PDGFC: variants seen among roughly 807,000 people sequenced by gnomAD.
PDGFC encodes the protein platelet derived growth factor C.
In PDGFC, 12 loss-of-function variants were observed where a neutral mutation model predicts 35.5. That is an observed-to-expected ratio of 0.34 (90% CI 0.22 to 0.55). The LOEUF is 0.55. Ranked by LOEUF, PDGFC falls within the 20% of genes least tolerant of loss-of-function variation. The pLI is 0.91. For synonymous variants in PDGFC, 159 were observed against 148.8 expected (o/e 1.07, Z -0.50); for missense variants, 322 against 412.4 (o/e 0.78, Z 1.90).
intron 1 of PDGFC, among the ~76,000 whole-genome samples, chr4:156,899,863 C>T (rs893809593): frequency 1.3e-5 from 2 of 152,130 alleles, no homozygotes; most frequent in African/African-American, 4.8e-5. Context: ...CTACTGACAT[C>T]CTAATTGCAA....
At chr4:156,899,369 C>G (rs2110756307) in intron 1 of PDGFC, among the ~76,000 whole-genome samples, 1 of 152,300 alleles carries the variant, frequency 6.6e-6, no homozygotes, top group East Asian at 1.9e-4. Context: ...CCATGGGAGT[C>G]ACAGATCCTA....
At chr4:156,767,562 C>T (rs1358180868) in intron 5 of PDGFC, among the ~76,000 whole-genome samples, 1 of 151,850 alleles carries the variant, frequency 6.6e-6, no homozygotes, top group Non-Finnish European at 1.5e-5. Flanking sequence ...TGTTATACTA[C>T]CAGAGAATAT....
intron 1 of PDGFC, among the ~76,000 whole-genome samples, chr4:156,958,145 T>C (rs1732254376): frequency 6.6e-6 from 1 of 152,004 alleles, no homozygotes. Context: ...CCTTTGGCTA[T>C]AAACTACTTG....
chr4:156,966,720 G>A (rs1732475201), intron 1 of PDGFC, among the ~76,000 whole-genome samples: 2 of 152,154 alleles, frequency 1.3e-5, no homozygotes, highest in African/African-American at 4.8e-5. Context: ...AGAAGAGATG[G>A]CAGCACTGAG....
chr4:156,830,023 T>C (rs530873961), intron 2 of PDGFC, among the ~76,000 whole-genome samples: 5 of 152,248 alleles, frequency 3.3e-5, no homozygotes, highest in East Asian at 1.9e-4. Context: ...ACTTCAAAAA[T>C]GTATCTGAAA....
At chr4:156,943,640 A>G (rs539287845) in intron 1 of PDGFC, among the ~76,000 whole-genome samples, 21 of 152,140 alleles carry the variant, frequency 1.4e-4, no homozygotes, top group African/African-American at 5.1e-4. Context: ...TTGTTTTCAG[A>G]AACCCCTACA....
At chr4:156,911,907 G>GT (rs1731048843) in intron 1 of PDGFC, among the ~76,000 whole-genome samples, 1 of 152,142 alleles carries the variant, frequency 6.6e-6, no homozygotes, top group African/African-American at 2.4e-5. Context: ...ATGATAGTAT[G>GT]ATGACTGGAG....
At chr4:156,948,704 A>G (rs891580507) in intron 1 of PDGFC, among the ~76,000 whole-genome samples, 1 of 151,978 alleles carries the variant, frequency 6.6e-6, no homozygotes, top group Non-Finnish European at 1.5e-5. Flanking sequence ...CCGCTGCCCT[A>G]CAGCCTTTAT....
At chr4:156,854,087 C>A (rs1276794026) in intron 1 of PDGFC, among the ~76,000 whole-genome samples, 2 of 152,164 alleles carry the variant, frequency 1.3e-5, no homozygotes, top group African/African-American at 4.8e-5. Flanking sequence ...AAAGTTTCTT[C>A]CGATAATCTA....
At chr4:156,772,642 G>T in intron 4 of PDGFC, 44 bp downstream of exon 4, 1 of 1,277,152 alleles carries the variant, frequency 7.8e-7, no homozygotes, top group Non-Finnish European at 1.1e-6. Context: ...AACATTAGCT[G>T]TTAAGAAAAT....
chr4:156,970,930 C>T lies in PDGFC; in HGVS notation c.-27G>A, dbSNP rs1732578457. The stretch of plus-strand genomic sequence containing the variant: ...TGGCTGACTGGGGTGAGAGCTCACT[C>T]ACGGCGGGCACTTTGGAAGCAGCGA... On this transcript the variant is annotated 5_prime_UTR_variant, in exon 1 of 6. Transcript: ENST00000502773. 1 of 1,465,676 alleles carries T rather than the reference C, an allele frequency of 6.8e-7. No individual in the cohort carries two copies. The highest frequency in any genetic ancestry group is 2.3e-5 in the East Asian group (1 of 43,864). 90.8% of individuals were successfully genotyped at this position (1,465,676 alleles called of 1,614,324 possible). A position where few individuals can be genotyped will look rare whatever the true frequency, so the allele number is the denominator to read the frequency against.
intron 1 of PDGFC, among the ~76,000 whole-genome samples, chr4:156,895,906 C>T (rs542504493): frequency 3.3e-5 from 5 of 152,156 alleles, no homozygotes; most frequent in Middle Eastern, 3.4e-3. Context: ...ACATGATTAA[C>T]ATATTTAACA....
chr4:156,900,240 G>T (rs184049740), intron 1 of PDGFC, among the ~76,000 whole-genome samples: 53 of 152,176 alleles, frequency 3.5e-4, no homozygotes, highest in African/African-American at 1.3e-3. Context: ...CGAAATTCCT[G>T]AATGTCACAC....
intron 1 of PDGFC, among the ~76,000 whole-genome samples, chr4:156,910,435 A>G (rs967537799): frequency 6.6e-6 from 1 of 152,130 alleles, no homozygotes; most frequent in African/African-American, 2.4e-5. Context: ...TTAACAGTCC[A>G]CTTCTTGAAA....
Position 156,763,079 on chromosome 4 carries a change from T to A in PDGFC, c.*11A>T. 1.4e-6 allele frequency: 2 copies of A among 1,384,352 alleles called. No homozygotes were observed. The highest frequency in any genetic ancestry group is 2.1e-6 in the Non-Finnish European group (2 of 970,652). 85.8% of individuals were successfully genotyped at this position (1,384,352 alleles called of 1,614,324 possible). A position where few individuals can be genotyped will look rare whatever the true frequency, so the allele number is the denominator to read the frequency against. On this transcript the variant is annotated 3_prime_UTR_variant, in exon 6 of 6. Coordinates refer to ENST00000502773, the MANE Select transcript of PDGFC (RefSeq NM_016205.3). ...CACAGCTCTGGGCAAGAGCTGCTGG[T>A]GGTGATGCGGCTATCCTCCTGTGCT...
chr4:156,792,436 A>T (rs1731323106), intron 3 of PDGFC, among the ~76,000 whole-genome samples: 1 of 152,200 alleles, frequency 6.6e-6, no homozygotes, highest in African/African-American at 2.4e-5. Flanking sequence ...GCACATTTTT[A>T]AAAACAAAAA....
intron 4 of PDGFC, among the ~76,000 whole-genome samples, chr4:156,768,615 A>C (rs1034893902): frequency 1.3e-5 from 2 of 152,048 alleles, no homozygotes; most frequent in Non-Finnish European, 2.9e-5. Context: ...AATGCTTCAA[A>C]TGCATTGAAT....
chr4:156,810,246 G>A (rs1731895449), intron 3 of PDGFC, among the ~76,000 whole-genome samples: 1 of 151,514 alleles, frequency 6.6e-6, no homozygotes, highest in African/African-American at 2.4e-5. Context: ...AAAAAGTTTT[G>A]GAAAGGAACA....
intron 1 of PDGFC, among the ~76,000 whole-genome samples, chr4:156,903,309 A>G (rs1187068106): frequency 6.6e-6 from 1 of 152,082 alleles, no homozygotes; most frequent in Non-Finnish European, 1.5e-5. Context: ...AAATTAATAA[A>G]ATATACATGT....
Sources: gnomAD v4.1 joint callset for allele counts (sites outside exome capture counted in the v4.1 genomes callset) on GRCh38, gnomAD v4.1.1 for gene constraint, MANE v1.5 for transcripts, NCBI Gene and HGNC (gene_info 2026-07-23, HGNC 2026-07-21) for gene names.